The following WIPF3 variants were observed in gnomAD, a reference collection of about 807,000 sequenced individuals.
WIPF3 encodes WAS/WASL interacting protein family member 3.
WIPF3 carries 33 observed loss-of-function variants against 38.9 expected under a neutral mutation model. That is an observed-to-expected ratio of 0.85 (90% CI 0.64 to 1.14). WIPF3 has a LOEUF of 1.14. Among genes scored for constraint, WIPF3 ranks in the 50% most tolerant of loss-of-function variants. The probability of loss-of-function intolerance (pLI) is 0.00; values close to 1 mark genes in which losing one functional copy is unlikely to be tolerated. For missense variants in WIPF3, 711 were observed against 652.5 expected (o/e 1.09, Z -0.98); for synonymous variants, 324 against 269.3 (o/e 1.20, Z -1.99).
intron 2 of WIPF3, among the ~76,000 whole-genome samples, chr7:29,854,737 A>G (rs1206578383): frequency 2.6e-5 from 4 of 152,166 alleles, no homozygotes; most frequent in South Asian, 2.1e-4. Context: ...GGGCTGAATT[A>G]TGTTTCTCTG....
chr7:29,891,230 G>GT, intron 7 of WIPF3, among the ~76,000 whole-genome samples: 2 of 132,992 alleles, frequency 1.5e-5, no homozygotes, highest in African/African-American at 6.1e-5. Flanking sequence ...GTGCTCAGGT[G>GT]GAGGGGGCGA....
chr7:29,896,705 T>C (rs1390664707), intron 7 of WIPF3, among the ~76,000 whole-genome samples: 1 of 152,248 alleles, frequency 6.6e-6, no homozygotes, highest in Non-Finnish European at 1.5e-5. Context: ...ACTGTAAATG[T>C]ACTAAATGTC....
At chr7:29,849,955 AT>A (rs974495690) in intron 2 of WIPF3, among the ~76,000 whole-genome samples, 5 of 152,074 alleles carry the variant, frequency 3.3e-5, no homozygotes, top group Non-Finnish European at 7.4e-5. Context: ...AATCGTTTGT[AT>A]TTTCTTCTGG....
chr7:29,903,022 G>C (rs139205628), intron 7 of WIPF3, among the ~76,000 whole-genome samples: 4 of 152,268 alleles, frequency 2.6e-5, no homozygotes, highest in Non-Finnish European at 5.9e-5. Context: ...GCAGGGTGCA[G>C]TAGCTCATGC....
intron 2 of WIPF3, among the ~76,000 whole-genome samples, chr7:29,869,971 G>C (rs890083652): frequency 8.5e-5 from 13 of 152,160 alleles, no homozygotes; most frequent in African/African-American, 2.4e-4. Flanking sequence ...CTTCCACTGG[G>C]TGAGATGGAA....
chr7:29,895,862 C>G (rs1229031459), intron 7 of WIPF3, among the ~76,000 whole-genome samples: 1 of 152,188 alleles, frequency 6.6e-6, no homozygotes, highest in African/African-American at 2.4e-5. Flanking sequence ...GGCCCCACCT[C>G]TAAATTGGGG....
chr7:29,903,281 G>A (rs1786324644), intron 7 of WIPF3, among the ~76,000 whole-genome samples: 1 of 152,000 alleles, frequency 6.6e-6, no homozygotes, highest in South Asian at 2.1e-4. Flanking sequence ...GAGACAGAGG[G>A]AGACCTTGTC....
At chr7:29,872,798 C>CAAAAAAAAAA (rs61693654) in intron 2 of WIPF3, among the ~76,000 whole-genome samples, 5 of 31,048 alleles carry the variant, frequency 1.6e-4, no homozygotes, top group Admixed American at 5.9e-4. Flanking sequence ...GACTCCATCT[C>CAAAAAAAAAA]AAAAAAAAAA....
At chr7:29,864,918 G>C (rs1785359572) in intron 2 of WIPF3, among the ~76,000 whole-genome samples, 1 of 152,088 alleles carries the variant, frequency 6.6e-6, no homozygotes. Context: ...TGGATCTCTG[G>C]CTTTATTCCA....
In WIPF3 at chr7:29,884,361, T is replaced by TCCCCCCCCCCCCCCCCCCCCCCCCCC; in HGVS notation, c.870_871insCCCCCCCCCCCCCCCCCCCCCCCCCC (p.Ala291ProfsTer92). On this transcript the variant is annotated frameshift_variant, in exon 5 of 9. Transcript: ENST00000242140. LOFTEE classifies it high-confidence loss of function. Reference sequence around the variant, plus strand: ...GCCCTGCGCAAGATGCGCAGGAGCCTCCCGCCCCGCCGCCCCCGCTCCCCC... The same window carrying TCCCCCCCCCCCCCCCCCCCCCCCCCC: ...GCCCTGCGCAAGATGCGCAGGAGCCTCCCCCCCCCCCCCCCCCCCCCCCCCCCCCGCCCCGCCGCCCCCGCTCCCCC... 1.5e-6 allele frequency: 2 copies of TCCCCCCCCCCCCCCCCCCCCCCCCCC among 1,317,924 alleles called. No homozygotes were observed. Among genetic ancestry groups the TCCCCCCCCCCCCCCCCCCCCCCCCCC allele is most frequent in the Non-Finnish European group, 2.0e-6 (2 of 1,017,962 alleles). 81.6% of individuals were successfully genotyped at this position (1,317,924 alleles called of 1,614,324 possible). A position where few individuals can be genotyped will look rare whatever the true frequency, so the allele number is the denominator to read the frequency against.
intron 5 of WIPF3, among the ~76,000 whole-genome samples, 170 bp downstream of exon 5, chr7:29,884,763 G>A (rs1002035906): frequency 6.6e-6 from 1 of 152,230 alleles, no homozygotes; most frequent in Non-Finnish European, 1.5e-5. Context: ...TCCCGGCCTT[G>A]ATCCCCTGCC....
intron 2 of WIPF3, among the ~76,000 whole-genome samples, chr7:29,836,467 T>C (rs774296948): frequency 6.6e-6 from 1 of 152,170 alleles, no homozygotes; most frequent in Non-Finnish European, 1.5e-5. Flanking sequence ...AAGAAAACAG[T>C]AAATGTGTAT....
chr7:29,814,440 G>T (rs1784426742), intron 1 of WIPF3, among the ~76,000 whole-genome samples: 1 of 152,136 alleles, frequency 6.6e-6, no homozygotes, highest in Non-Finnish European at 1.5e-5. Flanking sequence ...TAGTTTTGTT[G>T]CATGGCTAGC....
intron 2 of WIPF3, among the ~76,000 whole-genome samples, chr7:29,875,412 C>T (rs547006649): frequency 3.9e-5 from 6 of 152,220 alleles, no homozygotes; most frequent in Non-Finnish European, 8.8e-5. Flanking sequence ...CAACTCCCAT[C>T]GTCAAGTGGG....
In WIPF3 at chr7:29,914,539, C is replaced by A; in HGVS notation, c.*23C>A. 6.6e-7 allele frequency: 1 copy of A among 1,504,678 alleles called. No homozygotes were observed. Among genetic ancestry groups the A allele is most frequent in the Non-Finnish European group, 8.9e-7 (1 of 1,123,980 alleles). The allele number at this position is 1,504,678 out of a possible 1,614,324, so 93.2% of individuals were successfully genotyped here. ...TGAGAAGACAGATGAAGCGAAGGTCCTGGGGTTCCAGGTTGCAGAACAACA... is the reference window on the plus strand; with the variant it reads ...TGAGAAGACAGATGAAGCGAAGGTCATGGGGTTCCAGGTTGCAGAACAACA... On this transcript the variant is annotated 3_prime_UTR_variant, in exon 9 of 9. Coordinates refer to ENST00000242140, the MANE Select transcript of WIPF3 (RefSeq NM_001080529.3).
intron 2 of WIPF3, among the ~76,000 whole-genome samples, chr7:29,835,231 T>C (rs538554123): frequency 9.9e-5 from 15 of 152,256 alleles, no homozygotes; most frequent in Non-Finnish European, 7.4e-5. Context: ...TTCAGTCCCC[T>C]AGTGTAATAG....
chr7:29,871,079 A>G (rs546085189), intron 2 of WIPF3, among the ~76,000 whole-genome samples: 2 of 152,382 alleles, frequency 1.3e-5, no homozygotes, highest in South Asian at 4.1e-4. Flanking sequence ...TTAGATCTCA[A>G]TGTACCTCAT....
intron 7 of WIPF3, among the ~76,000 whole-genome samples, chr7:29,898,739 A>C (rs1786210992): frequency 6.6e-6 from 1 of 152,162 alleles, no homozygotes; most frequent in African/African-American, 2.4e-5. Context: ...AACCACTTTT[A>C]ATACATTGGT....
At position 29,884,550 on chromosome 7, in the gene WIPF3, G is replaced by C. The variant is rs1348413557; in HGVS notation, c.1056G>C (p.Pro352=). 6 of 1,600,952 alleles carry C rather than the reference G, an allele frequency of 3.7e-6. No homozygotes were observed. Among genetic ancestry groups the C allele is most frequent in the Non-Finnish European group, 3.4e-6 (4 of 1,175,488 alleles). ...AQALPAPPAP[P]GSQPFLQKKR... ...CCTTGCCCGCCCCGCCTGCCCCTCC[G>C]GGCTCCCAGCCGTTCCTGCAGAAGA... The change falls in exon 5 of 9, where the codon CCG becomes CCC. Residue 352 remains proline, a synonymous_variant. Transcript: ENST00000242140.
Sources: allele counts gnomAD v4.1 joint callset (sites outside exome capture counted in the v4.1 genomes callset), GRCh38; gene constraint gnomAD v4.1.1; transcripts MANE v1.5; gene names NCBI Gene and HGNC (gene_info 2026-07-23, HGNC 2026-07-21).